The following NKAIN2 variants were observed in gnomAD, a reference collection of about 807,000 sequenced individuals.
The protein encoded by NKAIN2 is sodium/potassium-transporting ATPase subunit beta-1-interacting protein 2.
In NKAIN2, 14 loss-of-function variants were observed where a neutral mutation model predicts 32.6. The ratio of observed to expected loss-of-function variants is 0.43; its 90% CI spans 0.28 to 0.67. The LOEUF is 0.67. Ranked by LOEUF, NKAIN2 falls within the 30% of genes least tolerant of loss-of-function variation. The pLI, the probability that NKAIN2 is intolerant of heterozygous loss-of-function variation, is 0.17. For synonymous variants in NKAIN2, 80 were observed against 87.2 expected (o/e 0.92, Z 0.46); for missense variants, 198 against 258.3 (o/e 0.77, Z 1.60).
chr6:124,619,414 TATAAAATA>T (rs1166319059), intron 3 of NKAIN2, among the ~76,000 whole-genome samples: 3 of 152,148 alleles, frequency 2.0e-5, no homozygotes, highest in Admixed American at 1.3e-4. Flanking sequence ...GTTGAAAAAC[TATAAAATA>T]ATAAAATATT....
chr6:124,314,310 G>A (rs146046452), intron 2 of NKAIN2, among the ~76,000 whole-genome samples: 1 of 152,142 alleles, frequency 6.6e-6, no homozygotes, highest in Admixed American at 6.6e-5. Context: ...AAACCATTCA[G>A]GACTTTGGGT....
At chr6:124,345,726 T>G (rs1336067140) in intron 2 of NKAIN2, among the ~76,000 whole-genome samples, 1 of 151,994 alleles carries the variant, frequency 6.6e-6, no homozygotes. Flanking sequence ...CTTCTCTCTT[T>G]TCTTCTTTAT....
At chr6:124,231,188 G>A (rs1172810713) in intron 1 of NKAIN2, among the ~76,000 whole-genome samples, 1 of 152,196 alleles carries the variant, frequency 6.6e-6, no homozygotes, top group African/African-American at 2.4e-5. Context: ...GACTTGCATG[G>A]GGCCTGTAGC....
intron 3 of NKAIN2, among the ~76,000 whole-genome samples, chr6:124,528,392 G>A (rs1331880338): frequency 6.6e-6 from 1 of 152,188 alleles, no homozygotes; most frequent in Non-Finnish European, 1.5e-5. Flanking sequence ...CTGTAGTGCA[G>A]TGTTTTGTCT....
intron 3 of NKAIN2, among the ~76,000 whole-genome samples, chr6:124,569,840 T>A (rs939735763): frequency 1.3e-5 from 2 of 152,138 alleles, no homozygotes; most frequent in African/African-American, 4.8e-5. Flanking sequence ...TGGAAACAAC[T>A]TTGGAACTGG....
chr6:123,843,065 C>A (rs1011397680), intron 1 of NKAIN2, among the ~76,000 whole-genome samples: 4 of 152,142 alleles, frequency 2.6e-5, no homozygotes, highest in African/African-American at 9.7e-5. Context: ...GCGACAATAT[C>A]TAGGGTTGTC....
intron 3 of NKAIN2, among the ~76,000 whole-genome samples, chr6:124,382,911 T>C (rs1772710794): frequency 6.6e-6 from 1 of 152,180 alleles, no homozygotes; most frequent in African/African-American, 2.4e-5. Context: ...CTGTTAGTTT[T>C]CTGGCCTGTG....
At chr6:124,357,103 T>C (rs12527820) in intron 3 of NKAIN2, among the ~76,000 whole-genome samples, 1,692 of 152,278 alleles carry the variant, frequency 0.011, 112 homozygotes, top group Admixed American at 0.093. Flanking sequence ...TCTTCCAATG[T>C]ACATGGGCAG....
intron 3 of NKAIN2, among the ~76,000 whole-genome samples, chr6:124,461,434 G>T (rs1242208957): frequency 6.6e-6 from 1 of 151,628 alleles, no homozygotes; most frequent in East Asian, 1.9e-4. Context: ...ACCAACTTCA[G>T]TTGTTAATAT....
At chr6:124,366,276 A>G (rs920053785) in intron 3 of NKAIN2, among the ~76,000 whole-genome samples, 3 of 152,134 alleles carry the variant, frequency 2.0e-5, no homozygotes, top group African/African-American at 7.2e-5. Flanking sequence ...TAATATCACA[A>G]ATAACTCTAT....
chr6:124,492,219 A>T (rs1435769645), intron 3 of NKAIN2, among the ~76,000 whole-genome samples: 2 of 152,000 alleles, frequency 1.3e-5, no homozygotes, highest in Admixed American at 6.6e-5. Context: ...GTTTGAAGAA[A>T]TTTTTTTCTG....
intron 3 of NKAIN2, among the ~76,000 whole-genome samples, chr6:124,517,270 C>T (rs1006122824): frequency 6.6e-6 from 1 of 152,116 alleles, no homozygotes; most frequent in Admixed American, 6.6e-5. Context: ...CAGGGAGTCA[C>T]TCCAAAACTG....
intron 4 of NKAIN2, among the ~76,000 whole-genome samples, chr6:124,725,568 C>T (rs370573259): frequency 6.6e-6 from 1 of 152,238 alleles, no homozygotes; most frequent in Admixed American, 6.5e-5. Flanking sequence ...CTTTATTACC[C>T]AAACTTGGCC....
At chr6:124,421,852 G>GT (rs1232672149) in intron 3 of NKAIN2, among the ~76,000 whole-genome samples, 2 of 152,128 alleles carry the variant, frequency 1.3e-5, no homozygotes, top group Non-Finnish European at 2.9e-5. Flanking sequence ...CGCGGGAAAC[G>GT]TATGTCCGGC....
At chr6:123,932,592 A>AT (rs1431015408) in intron 1 of NKAIN2, among the ~76,000 whole-genome samples, 2 of 150,534 alleles carry the variant, frequency 1.3e-5, no homozygotes, top group African/African-American at 4.9e-5. Flanking sequence ...AATTTTTTCT[A>AT]TTTTTTAGTA....
At chr6:123,981,271 T>C (rs1778885649) in intron 1 of NKAIN2, among the ~76,000 whole-genome samples, 1 of 152,178 alleles carries the variant, frequency 6.6e-6, no homozygotes, top group African/African-American at 2.4e-5. Flanking sequence ...AAAGAAAGCT[T>C]TTTCATGTGA....
Position 124,630,791 on chromosome 6 carries a change from TA to T in NKAIN2, c.274-27390del, listed in dbSNP as rs202197962. Among the ~76,000 whole-genome samples the T allele has an allele frequency of 2.2e-4, 34 of 152,244 alleles. 1 individual carries two copies. The East Asian group carries it at 6.4e-3, about 29-fold the overall frequency. Reference sequence around the variant, plus strand: ...GGGAGAAATCAAATTATACAGTTAATAAAAACTAAACCTTCAGTCCACGCGA... The same window carrying T: ...GGGAGAAATCAAATTATACAGTTAATAAAACTAAACCTTCAGTCCACGCGA... On this transcript the variant is annotated intron_variant, in intron 3 of 6. Transcript: ENST00000368417.
intron 4 of NKAIN2, among the ~76,000 whole-genome samples, chr6:124,687,938 C>T (rs1774064792): frequency 6.6e-6 from 1 of 151,562 alleles, no homozygotes; most frequent in African/African-American, 2.4e-5. Flanking sequence ...AAACATCCTG[C>T]CTTTTTATCA....
intron 1 of NKAIN2, among the ~76,000 whole-genome samples, chr6:123,959,643 A>G (rs1030799772): frequency 1.3e-5 from 2 of 152,144 alleles, no homozygotes; most frequent in African/African-American, 4.8e-5. Flanking sequence ...AGCATCATGC[A>G]TAGAGCAGAA....
Sources: allele counts gnomAD v4.1 joint callset (sites outside exome capture counted in the v4.1 genomes callset), GRCh38; gene constraint gnomAD v4.1.1; transcripts MANE v1.5; gene names NCBI Gene and HGNC (gene_info 2026-07-23, HGNC 2026-07-21).